TRIM49C: variants seen among roughly 807,000 people sequenced by gnomAD.
The protein encoded by TRIM49C is tripartite motif containing 49C.
TRIM49C carries 6 observed loss-of-function variants against 21.4 expected under a neutral mutation model. The observed-to-expected ratio is 0.28, with a 90% CI of 0.15 to 0.55. The LOEUF (loss-of-function observed/expected upper bound fraction) is 0.55, where lower values mean the gene tolerates loss of function less well. Among genes scored for constraint, TRIM49C ranks in the 20% least tolerant of loss-of-function variants. The probability of loss-of-function intolerance (pLI) is 0.94; values close to 1 mark genes in which losing one functional copy is unlikely to be tolerated. For missense variants in TRIM49C, 161 were observed against 442.4 expected (o/e 0.36, Z 5.71); for synonymous variants, 57 against 148.1 (o/e 0.38, Z 4.47).
At position 90,041,252 on chromosome 11, in the gene TRIM49C, C is replaced by T. The variant is rs758727834; in HGVS notation, c.1061C>T (p.Ala354Val). 1.1e-5 allele frequency: 17 copies of T among 1,578,640 alleles called. 1 individual carries two copies. Among genetic ancestry groups the T allele is most frequent in the Non-Finnish European group, 1.4e-5 (16 of 1,157,764 alleles). Reference protein sequence around the residue: ...EVHVGDSWNWAFGVCNMYRKE... With the variant: ...EVHVGDSWNWVFGVCNMYRKE... ...CATGTAGGGGACTCCTGGAATTGGGCTTTTGGTGTCTGTAATATGTATCGG... is the reference window on the plus strand; with the variant it reads ...CATGTAGGGGACTCCTGGAATTGGGTTTTTGGTGTCTGTAATATGTATCGG... Residue 354 changes from alanine to valine, a missense_variant, in exon 8 of 8, where the codon GCT (alanine) becomes GTT (valine). Physicochemically the swap from Ala to Val is moderately conservative, Grantham distance 64. Around this residue, in one of 3 missense-constraint regions of TRIM49C, gnomAD observed 63 missense variants for 67.6 expected, o/e 0.93. Transcript: ENST00000448984.
the TRIM49C span, among the ~76,000 whole-genome samples, chr11:90,068,045 A>G: frequency 9.8e-6 from 1 of 102,266 alleles, no homozygotes; most frequent in East Asian, 2.9e-4. Flanking sequence ...ATATTCTCCG[A>G]TTTTCTAAAT....
the TRIM49C span, among the ~76,000 whole-genome samples, chr11:90,057,091 ACT>A: frequency 3.5e-5 from 5 of 144,280 alleles, no homozygotes; most frequent in East Asian, 9.8e-4. Flanking sequence ...CTGAAAACAT[ACT>A]CTCTGAAAAA....
At chr11:90,048,311 G>T in the TRIM49C span, among the ~76,000 whole-genome samples, 1 of 118,456 alleles carries the variant, frequency 8.4e-6, no homozygotes, top group African/African-American at 3.5e-5. Context: ...TTTGAATGTT[G>T]GCCTGCCTTG....
chr11:90,055,030 A>C, the TRIM49C span, among the ~76,000 whole-genome samples: 2 of 149,258 alleles, frequency 1.3e-5, no homozygotes, highest in African/African-American at 4.9e-5. Flanking sequence ...CATAGGAGAA[A>C]ATCAAAAAAA....
chr11:90,071,432 A>T, the TRIM49C span, among the ~76,000 whole-genome samples: 34 of 141,458 alleles, frequency 2.4e-4, no homozygotes, highest in Non-Finnish European at 4.8e-4. Flanking sequence ...CTAGAATACA[A>T]TTGCCTCTTT....
chr11:90,073,339 T>A, the TRIM49C span: 4 of 751,350 alleles, frequency 5.3e-6, no homozygotes, highest in Non-Finnish European at 8.9e-6. Context: ...ATTACCCAGC[T>A]GGCTCCTTAA....
the TRIM49C span, among the ~76,000 whole-genome samples, chr11:90,066,988 G>A: frequency 2.9e-5 from 4 of 137,028 alleles, no homozygotes; most frequent in Non-Finnish European, 6.3e-5. Flanking sequence ...GGCTGGACTC[G>A]AACTCCTGAC....
intron 4 of TRIM49C, among the ~76,000 whole-genome samples, chr11:90,037,384 A>G (rs1392314968): frequency 3.0e-5 from 4 of 134,068 alleles, no homozygotes; most frequent in Non-Finnish European, 4.8e-5. Flanking sequence ...AACTTGTTGC[A>G]TATCTCAGAA....
the TRIM49C span, chr11:90,071,876 T>C: frequency 1.8e-5 from 11 of 600,700 alleles, no homozygotes; most frequent in East Asian, 2.5e-4. Flanking sequence ...GTGTAACGAT[T>C]TTTCATCTAG....
At chr11:90,039,210 T>G (rs521278) in intron 6 of TRIM49C, among the ~76,000 whole-genome samples, 1 of 131,460 alleles carries the variant, frequency 7.6e-6, no homozygotes. Context: ...TGAACCACCG[T>G]GCCCGGCCCC....
At chr11:90,039,218 C>G (rs1482908506) in intron 6 of TRIM49C, among the ~76,000 whole-genome samples, 1 of 131,982 alleles carries the variant, frequency 7.6e-6, no homozygotes, top group South Asian at 2.7e-4. Context: ...CGTGCCCGGC[C>G]CCTGATTTTG....
intron 4 of TRIM49C, among the ~76,000 whole-genome samples, chr11:90,037,187 G>A (rs1286170535): frequency 7.4e-6 from 1 of 135,784 alleles, no homozygotes; most frequent in African/African-American, 2.6e-5. Context: ...TTTGGAGGCC[G>A]GAGGAACCAC....
intron 7 of TRIM49C, 23 bp from the exon 8 acceptor site, chr11:90,041,028 T>A: frequency 6.8e-7 from 1 of 1,461,664 alleles, no homozygotes; most frequent in Non-Finnish European, 9.0e-7. Context: ...ATGCATGTTT[T>A]CTTTTTTTTT....
chr11:90,068,942 T>C, the TRIM49C span, among the ~76,000 whole-genome samples: 6 of 106,232 alleles, frequency 5.6e-5, no homozygotes, highest in East Asian at 7.7e-4. Context: ...GAGCTGGTAT[T>C]GCACCACGCT....
At position 90,037,157 on chromosome 11, in the gene TRIM49C, T is replaced by A. The variant is rs1484263498; in HGVS notation, c.508-592T>A. On this transcript the variant is annotated intron_variant, in intron 4 of 7. Coordinates refer to ENST00000448984, the MANE Select transcript of TRIM49C (RefSeq NM_001195234.1). The stretch of plus-strand genomic sequence containing the variant: ...TAGTTGGAGAGAATAGCATATGCAG[T>A]AATTTTGAGTTTGTGTATATTTGGA... 2.2e-5 allele frequency among the ~76,000 whole-genome samples: 3 copies of A among 135,790 alleles called. 1 individual carries two copies. The highest frequency in any genetic ancestry group is 4.8e-5 in the Non-Finnish European group (3 of 62,694). The allele number at this position is 135,790 out of a possible 152,430, so 89.1% of individuals were successfully genotyped here. A position where few individuals can be genotyped will look rare whatever the true frequency, so the allele number is the denominator to read the frequency against.
At chr11:90,052,836 A>T in the TRIM49C span, 129 of 143,358 alleles carry the variant, frequency 9.0e-4, no homozygotes, top group Middle Eastern at 8.1e-3. Context: ...TGACTGGGCC[A>T]GAACAGCCTC....
Position 90,035,154 on chromosome 11 carries a change from G to C in TRIM49C, c.-4-54G>C. 2 of 1,597,028 alleles carry C rather than the reference G, an allele frequency of 1.3e-6. 1 individual carries two copies. Among genetic ancestry groups the C allele is most frequent in the Non-Finnish European group, 1.7e-6 (2 of 1,173,710 alleles). ...ACTATCACATATCTCCACATGTTTA[G>C]AAGCTTTTCATCAACCCAGGCCCCA... On this transcript the variant is annotated intron_variant, in intron 2 of 7. Transcript: ENST00000448984.
chr11:90,069,274 T>C, the TRIM49C span, among the ~76,000 whole-genome samples: 1 of 128,282 alleles, frequency 7.8e-6, no homozygotes, highest in South Asian at 2.9e-4. Flanking sequence ...CCAGCTAATT[T>C]TTTTTTTTTT....
chr11:90,056,086 G>T, the TRIM49C span, among the ~76,000 whole-genome samples: 1 of 134,150 alleles, frequency 7.5e-6, no homozygotes, highest in Non-Finnish European at 1.6e-5. Flanking sequence ...AGCCTCCCGA[G>T]TAGCTGGGAC....
Sources: allele counts gnomAD v4.1 joint callset (sites outside exome capture counted in the v4.1 genomes callset), GRCh38; gene constraint gnomAD v4.1.1; regional missense constraint gnomAD v4.1.1; transcripts MANE v1.5; gene names NCBI Gene and HGNC (gene_info 2026-07-23, HGNC 2026-07-21).